UGT1A5: variants seen among roughly 807,000 people sequenced by gnomAD.
The protein encoded by UGT1A5 is UDP glucuronosyltransferase family 1 member A5.
Under a neutral mutation model 40.3 loss-of-function variants are expected in UGT1A5, and 29 were observed. That is an observed-to-expected ratio of 0.72 (90% CI 0.54 to 0.98). UGT1A5 has a LOEUF of 0.98. Among genes scored for constraint, UGT1A5 ranks in the 50% least tolerant of loss-of-function variants. The pLI is 0.00. For synonymous variants in UGT1A5, 257 were observed against 262.5 expected (o/e 0.98, Z 0.20); for missense variants, 678 against 677.9 (o/e 1.00, Z 0.00).
chr2:233,737,087 A>G (rs955839676), intron 1 of UGT1A5, among the ~76,000 whole-genome samples: 1 of 152,174 alleles, frequency 6.6e-6, no homozygotes, highest in Non-Finnish European at 1.5e-5. Context: ...TCAGACAGGG[A>G]TGTTTAAGTC....
In UGT1A5 at chr2:233,713,512, G is replaced by A. The variant is rs1272104419; in HGVS notation, c.521G>A (p.Arg174Lys). The A allele has an allele frequency of 4.3e-6, 7 of 1,613,772 alleles. No individual in the cohort carries two copies. The highest frequency in any genetic ancestry group is 5.9e-6 in the Non-Finnish European group (7 of 1,179,882). ...TCGATTCCTGCTGTGTTTTTCTTGA[G>A]GAACATTCCATGTGATTTAGACTTT... is the stretch of plus-strand genomic sequence containing the variant. ...YLSIPAVFFL[R>K]NIPCDLDFKG... The change falls in exon 1 of 5, where the codon AGG (arginine) becomes AAG (lysine). Residue 174 changes from arginine (R) to lysine (K), a missense_variant. Coordinates refer to ENST00000373414, the MANE Select transcript of UGT1A5 (RefSeq NM_019078.2).
At chr2:233,758,319 G>T (rs1559404648) in intron 1 of UGT1A5, among the ~76,000 whole-genome samples, 1 of 152,200 alleles carries the variant, frequency 6.6e-6, no homozygotes, top group South Asian at 2.1e-4. Flanking sequence ...AGCAGAAGCA[G>T]CCTCAAAAAG....
intron 1 of UGT1A5, chr2:233,753,724 A>C (rs1430811344): frequency 6.6e-6 from 1 of 152,226 alleles, no homozygotes; most frequent in Admixed American, 6.5e-5. Flanking sequence ...CTAATTTGAT[A>C]TGCCCCAAGC....
intron 1 of UGT1A5, among the ~76,000 whole-genome samples, chr2:233,742,513 G>C (rs934347498): frequency 6.6e-6 from 1 of 151,822 alleles, no homozygotes; most frequent in Non-Finnish European, 1.5e-5. Context: ...TCATGAACAC[G>C]TCACAGTGCT....
intron 1 of UGT1A5, among the ~76,000 whole-genome samples, chr2:233,758,134 G>A (rs1262322592): frequency 6.6e-6 from 1 of 152,212 alleles, no homozygotes; most frequent in Non-Finnish European, 1.5e-5. Context: ...ATATTTGGCA[G>A]ATGAGGGAAT....
intron 1 of UGT1A5, chr2:233,760,520 C>T (rs779218106): frequency 6.8e-6 from 11 of 1,614,230 alleles, no homozygotes; most frequent in South Asian, 5.5e-5. Context: ...ACCTTGAAGA[C>T]GTACCCTGTG....
chr2:233,713,012 T>A lies in UGT1A5; in HGVS notation c.21T>A (p.Val7=), dbSNP rs748010470. The A allele has an allele frequency of 6.2e-6, 10 of 1,613,498 alleles. No individual in the cohort carries two copies. In the Admixed American group the frequency reaches 1.5e-4, roughly 24 times the overall value. MATGLQ[V]PLPQLATGLL... ...CTGAGATGGCCACAGGACTCCAGGT[T>A]CCCCTGCCGCAGCTGGCCACAGGAC... The change falls in exon 1 of 5, where the codon GTT becomes GTA. Residue 7 remains valine (V), a synonymous_variant. Transcript: ENST00000373414.
chr2:233,752,750 C>G (rs1270384572), intron 1 of UGT1A5, among the ~76,000 whole-genome samples: 1 of 151,980 alleles, frequency 6.6e-6, no homozygotes, highest in African/African-American at 2.4e-5. Flanking sequence ...GTCTCTAAAA[C>G]AAACAAACAA....
intron 1 of UGT1A5, among the ~76,000 whole-genome samples, chr2:233,737,122 TTGTC>T (rs1485045027): frequency 6.6e-6 from 1 of 152,146 alleles, no homozygotes; most frequent in Admixed American, 6.5e-5. Context: ...TGTTCAGAAG[TTGTC>T]TGCTGCCTTT....
At chr2:233,721,629 A>G (rs923769431) in intron 1 of UGT1A5, 1 of 200,638 alleles carries the variant, frequency 5.0e-6, no homozygotes, top group Non-Finnish European at 1.0e-5. Context: ...ATCAGTAAAG[A>G]TCATCTTGAA....
intron 1 of UGT1A5, chr2:233,747,491 G>T: frequency 6.2e-7 from 1 of 1,608,968 alleles, no homozygotes; most frequent in Non-Finnish European, 8.5e-7. Context: ...ATCGCCTTGT[G>T]CTGGGCCACA....
rs775377534 is a variant in UGT1A5, at chr2:233,713,509, T to G, written c.518T>G (p.Leu173Trp). The change falls in exon 1 of 5, where the codon TTG (leucine) becomes TGG (tryptophan). Residue 173 changes from leucine to tryptophan, a missense_variant. Coordinates refer to ENST00000373414, the MANE Select transcript of UGT1A5 (RefSeq NM_019078.2). ...KYLSIPAVFFLRNIPCDLDFK... is the reference protein window; with the variant it reads ...KYLSIPAVFFWRNIPCDLDFK... Reference sequence around the variant, plus strand: ...CTGTCGATTCCTGCTGTGTTTTTCTTGAGGAACATTCCATGTGATTTAGAC... The same window carrying G: ...CTGTCGATTCCTGCTGTGTTTTTCTGGAGGAACATTCCATGTGATTTAGAC... The G allele has an allele frequency of 3.1e-5, 50 of 1,613,866 alleles. No individual in the cohort carries two copies. The highest frequency in any genetic ancestry group is 1.5e-4 in the Admixed American group (9 of 59,984).
chr2:233,766,919 C>T, intron 1 of UGT1A5, 115 bp from the exon 2 acceptor site: 7 of 1,549,656 alleles, frequency 4.5e-6, no homozygotes, highest in Non-Finnish European at 6.1e-6. Context: ...CTATCTCAAA[C>T]ACGCATGCCT....
rs866500462 is a variant in UGT1A5 at position 233,723,536 on chromosome 2, T to A, written c.867+9678T>A. On this transcript the variant is annotated intron_variant, in intron 1 of 4. Transcript: ENST00000373414. ...ACAATCTTTTTTTTTTTTTTTTTTTTAATTTATTTTTTTATTGATAATTCT... is the reference window on the plus strand; with the variant it reads ...ACAATCTTTTTTTTTTTTTTTTTTTAAATTTATTTTTTTATTGATAATTCT... Among the ~76,000 whole-genome samples the A allele has an allele frequency of 8.1e-4, 98 of 121,464 alleles. 4 individuals are homozygous for A. The highest frequency in any genetic ancestry group is 1.3e-3 in the African/African-American group (39 of 29,948). 79.7% of individuals were successfully genotyped at this position (121,464 alleles called of 152,430 possible). A position where few individuals can be genotyped will look rare whatever the true frequency, so the allele number is the denominator to read the frequency against.
intron 1 of UGT1A5, among the ~76,000 whole-genome samples, chr2:233,726,093 G>T (rs2077501561): frequency 6.6e-6 from 1 of 152,308 alleles, no homozygotes; most frequent in South Asian, 2.1e-4. Context: ...TTGATCCGAG[G>T]AGGTGGAGGC....
At chr2:233,736,365 T>C (rs969556096) in intron 1 of UGT1A5, among the ~76,000 whole-genome samples, 1 of 152,210 alleles carries the variant, frequency 6.6e-6, no homozygotes, top group Non-Finnish European at 1.5e-5. Context: ...CTCCATCAGG[T>C]CATTTAAGGT....
intron 1 of UGT1A5, among the ~76,000 whole-genome samples, chr2:233,761,453 G>A (rs1414983430): frequency 2.6e-5 from 4 of 152,196 alleles, no homozygotes. Flanking sequence ...GCTGGGTTTG[G>A]GGCACCCTGC....
chr2:233,769,790 G>A lies in UGT1A5; in HGVS notation c.1307+1351G>A. On this transcript the variant is annotated intron_variant, in intron 4 of 4. Transcript: ENST00000373414. The surrounding 1 kb of genome is among the most constrained non-coding windows in gnomAD (Gnocchi z 4.4). ...GGATTGCTTGAGCCCAGAAGTTGGA[G>A]GCTGCTATGAGCCGTGATCATGCCA... is the stretch of plus-strand genomic sequence containing the variant. 7.7e-7 allele frequency: 1 copy of A among 1,301,106 alleles called. No individual in the cohort carries two copies. Among genetic ancestry groups the A allele is most frequent in the Non-Finnish European group, 1.0e-6 (1 of 985,722 alleles). The allele number at this position is 1,301,106 out of a possible 1,614,324, so 80.6% of individuals were successfully genotyped here. A position where few individuals can be genotyped will look rare whatever the true frequency, so the allele number is the denominator to read the frequency against.
At chr2:233,736,386 G>A (rs2078758058) in intron 1 of UGT1A5, among the ~76,000 whole-genome samples, 1 of 152,142 alleles carries the variant, frequency 6.6e-6, no homozygotes, top group South Asian at 2.1e-4. Context: ...CTTCTCTACA[G>A]TGTTTATTCT....
Sources: allele counts gnomAD v4.1 joint callset (sites outside exome capture counted in the v4.1 genomes callset), GRCh38; gene constraint gnomAD v4.1.1; non-coding constraint Gnocchi (gnomAD v3.1); transcripts MANE v1.5; gene names NCBI Gene and HGNC (gene_info 2026-07-23, HGNC 2026-07-21).